Variants in GPC5 observed in about 807,000 individuals in gnomAD.
The protein encoded by GPC5 is glypican-5.
In GPC5, 47 loss-of-function variants were observed where a neutral mutation model predicts 53.9. That is an observed-to-expected ratio of 0.87 (90% confidence interval 0.69 to 1.11). The LOEUF (loss-of-function observed/expected upper bound fraction) is 1.11, where lower values mean the gene tolerates loss of function less well. Ranked by LOEUF, GPC5 falls within the 50% of genes most tolerant of loss-of-function variation. GPC5 has a pLI of 0.00. For synonymous variants in GPC5, 286 were observed against 263.3 expected (o/e 1.09, Z -0.84); for missense variants, 748 against 713.1 (o/e 1.05, Z -0.56).
Position 91,594,266 on chromosome 13 carries a change from T to C in GPC5, c.326-98921T>C, listed in dbSNP as rs543065040. 6.0e-4 allele frequency among the ~76,000 whole-genome samples: 92 copies of C among 152,320 alleles called. 2 individuals are homozygous for C. In the South Asian group the frequency reaches 0.019, roughly 31 times the overall value. On this transcript the variant is annotated intron_variant, in intron 2 of 7. Coordinates refer to ENST00000377067, the MANE Select transcript of GPC5 (RefSeq NM_004466.6). ...TGTCTGGACATGTGTCAATAGTGTG[T>C]GGTGAAAAAAGAGGCCTTCGAAGGC...
chr13:92,789,426 C>T (rs9589627), intron 7 of GPC5, among the ~76,000 whole-genome samples: 14,928 of 152,066 alleles, frequency 0.098, 856 homozygotes, highest in African/African-American at 0.17. Flanking sequence ...GAGAAAACTG[C>T]TGACAAGATT....
chr13:91,675,191 A>G (rs908474678), intron 2 of GPC5, among the ~76,000 whole-genome samples: 1 of 152,020 alleles, frequency 6.6e-6, no homozygotes, highest in African/African-American at 2.4e-5. Context: ...TATATGGGAG[A>G]TGAAAATGGT....
At chr13:92,179,343 G>C (rs573995424) in intron 7 of GPC5, among the ~76,000 whole-genome samples, 1 of 152,304 alleles carries the variant, frequency 6.6e-6, no homozygotes, top group African/African-American at 2.4e-5. Context: ...TTCTTTTACA[G>C]ATGACACAGC....
chr13:92,264,511 G>A (rs1234063557), intron 7 of GPC5, among the ~76,000 whole-genome samples: 1 of 151,830 alleles, frequency 6.6e-6, no homozygotes, highest in East Asian at 1.9e-4. Context: ...ACACACACAA[G>A]CAAAGCAATG....
chr13:92,020,273 C>T (rs1240149174), intron 6 of GPC5, among the ~76,000 whole-genome samples: 1 of 152,076 alleles, frequency 6.6e-6, no homozygotes, highest in East Asian at 1.9e-4. Context: ...ATTCCATCTG[C>T]AACTTTTATC....
intron 7 of GPC5, among the ~76,000 whole-genome samples, chr13:92,677,412 G>A (rs2139217106): frequency 6.6e-6 from 1 of 152,248 alleles, no homozygotes; most frequent in Non-Finnish European, 1.5e-5. Context: ...TTATTTTACA[G>A]GGAGAATGTA....
At chr13:92,217,121 G>A (rs2042416255) in intron 7 of GPC5, among the ~76,000 whole-genome samples, 1 of 152,152 alleles carries the variant, frequency 6.6e-6, no homozygotes, top group South Asian at 2.1e-4. Flanking sequence ...GATGGCTTGT[G>A]CCTCAGGGTA....
intron 7 of GPC5, among the ~76,000 whole-genome samples, chr13:92,426,427 T>C (rs1876837849): frequency 1.3e-5 from 2 of 152,156 alleles, no homozygotes; most frequent in Non-Finnish European, 2.9e-5. Flanking sequence ...TTCAATCAGC[T>C]TTCCATATTT....
At chr13:92,418,671 A>T (rs941394830) in intron 7 of GPC5, among the ~76,000 whole-genome samples, 1 of 152,194 alleles carries the variant, frequency 6.6e-6, no homozygotes, top group Non-Finnish European at 1.5e-5. Flanking sequence ...GTTAAAGTTT[A>T]GATAAGACTA....
At chr13:91,485,339 A>C (rs1883544962) in intron 2 of GPC5, among the ~76,000 whole-genome samples, 2 of 151,648 alleles carry the variant, frequency 1.3e-5, no homozygotes, top group African/African-American at 4.9e-5. Context: ...CAGCCTCCTG[A>C]GTAGCTGGGA....
chr13:92,632,457 A>C (rs1885270505), intron 7 of GPC5, among the ~76,000 whole-genome samples: 1 of 85,196 alleles, frequency 1.2e-5, no homozygotes, highest in Admixed American at 1.3e-4. Context: ...AGGAGAAAAT[A>C]TTCCACATAT....
intron 6 of GPC5, among the ~76,000 whole-genome samples, chr13:92,114,267 C>G (rs1308521177): frequency 6.6e-6 from 1 of 152,166 alleles, no homozygotes; most frequent in Non-Finnish European, 1.5e-5. Flanking sequence ...TGTGATTCCC[C>G]AGGGCCAGCG....
chr13:92,780,572 G>A (rs1039747822), intron 7 of GPC5, among the ~76,000 whole-genome samples: 9 of 151,840 alleles, frequency 5.9e-5, no homozygotes, highest in African/African-American at 2.2e-4. Flanking sequence ...AAAGTCAGAG[G>A]GGACATTTTC....
At chr13:91,917,493 A>C (rs2039670923) in intron 6 of GPC5, among the ~76,000 whole-genome samples, 1 of 152,174 alleles carries the variant, frequency 6.6e-6, no homozygotes, top group Non-Finnish European at 1.5e-5. Flanking sequence ...TGGAGGCTGG[A>C]GGACAATGGC....
intron 2 of GPC5, among the ~76,000 whole-genome samples, chr13:91,553,338 T>A (rs1016290593): frequency 4.2e-5 from 5 of 119,280 alleles, no homozygotes; most frequent in Non-Finnish European, 8.8e-5. Context: ...AAGGCAGAAA[T>A]AGCATAACTA....
intron 5 of GPC5, among the ~76,000 whole-genome samples, chr13:91,897,039 T>C (rs185501256): frequency 9.7e-6 from 1 of 103,174 alleles, no homozygotes; most frequent in Non-Finnish European, 2.1e-5. Context: ...CCTCCTCCTC[T>C]TCTTCCTCCC....
chr13:92,697,680 C>A (rs1484896002), intron 7 of GPC5, among the ~76,000 whole-genome samples: 1 of 151,996 alleles, frequency 6.6e-6, no homozygotes, highest in Non-Finnish European at 1.5e-5. Flanking sequence ...ATTTGAATAC[C>A]CTTTATTTAT....
At chr13:91,651,621 G>A (rs2034712303) in intron 2 of GPC5, among the ~76,000 whole-genome samples, 1 of 151,768 alleles carries the variant, frequency 6.6e-6, no homozygotes, top group Non-Finnish European at 1.5e-5. Flanking sequence ...GGGAGGCCGA[G>A]GCAGCAGAAT....
chr13:91,644,020 A>G (rs1256523329), intron 2 of GPC5, among the ~76,000 whole-genome samples: 1 of 68,534 alleles, frequency 1.5e-5, no homozygotes, highest in Non-Finnish European at 4.2e-5. Context: ...TAAGACTTCA[A>G]CATATGAATT....
Sources: allele counts gnomAD v4.1 joint callset (sites outside exome capture counted in the v4.1 genomes callset), GRCh38; gene constraint gnomAD v4.1.1; transcripts MANE v1.5; gene names NCBI Gene and HGNC (gene_info 2026-07-23, HGNC 2026-07-21).